Variants in VPS13B observed in about 807,000 individuals in gnomAD.
VPS13B encodes intermembrane lipid transfer protein VPS13B.
VPS13B carries 285 observed loss-of-function variants against 426.4 expected under a neutral mutation model. The ratio of observed to expected loss-of-function variants is 0.67; its 90% CI spans 0.61 to 0.74. VPS13B has a LOEUF of 0.74. VPS13B is among the 30% of genes least tolerant of loss of function. The pLI is 0.00. For missense variants in VPS13B, 4,537 were observed against 4,782.6 expected (o/e 0.95, Z 1.51); for synonymous variants, 1,676 against 1,676.4 (o/e 1.00, Z 0.01).
At chr8:99,378,692 A>T (rs770332158) in intron 19 of VPS13B, among the ~76,000 whole-genome samples, 1 of 152,204 alleles carries the variant, frequency 6.6e-6, no homozygotes, top group African/African-American at 2.4e-5. Context: ...GCAACAATAC[A>T]TAGCTGTTTT....
chr8:99,737,371 C>T (rs1014664318), intron 39 of VPS13B, among the ~76,000 whole-genome samples: 3 of 151,828 alleles, frequency 2.0e-5, no homozygotes, highest in African/African-American at 7.3e-5. Context: ...CCGCCTGCCT[C>T]GGCCTCCCAA....
intron 52 of VPS13B, 56 bp from the exon 53 acceptor site, chr8:99,835,141 A>G (rs1815315509): frequency 2.5e-6 from 4 of 1,610,488 alleles, no homozygotes; most frequent in Non-Finnish European, 3.4e-6. Context: ...TCCAGAGGAG[A>G]GAGCATTCAT....
chr8:99,412,802 G>A (rs926871965), intron 21 of VPS13B, among the ~76,000 whole-genome samples: 4 of 152,148 alleles, frequency 2.6e-5, no homozygotes, highest in Non-Finnish European at 5.9e-5. Context: ...TTTTATTGAA[G>A]TCCTTTGCTG....
intron 35 of VPS13B, chr8:99,697,373 A>G (rs374001786): frequency 1.5e-5 from 9 of 593,808 alleles, no homozygotes; most frequent in Admixed American, 1.2e-4. Flanking sequence ...AAGTGCCTGA[A>G]GCAGTCCTGT....
intron 20 of VPS13B, among the ~76,000 whole-genome samples, chr8:99,387,395 A>G (rs1563701852): frequency 1.3e-5 from 2 of 151,224 alleles, no homozygotes; most frequent in Non-Finnish European, 3.0e-5. Flanking sequence ...TTAAAAAACA[A>G]TTTTTTTTGT....
At chr8:99,567,986 C>T (rs1588502501) in intron 31 of VPS13B, among the ~76,000 whole-genome samples, 1 of 152,162 alleles carries the variant, frequency 6.6e-6, no homozygotes, top group East Asian at 1.9e-4. Context: ...CCTTCTAATA[C>T]CTGAATGACA....
At chr8:99,813,179 A>C (rs1402325978) in intron 44 of VPS13B, among the ~76,000 whole-genome samples, 1 of 152,166 alleles carries the variant, frequency 6.6e-6, no homozygotes, top group African/African-American at 2.4e-5. Flanking sequence ...TCTTTCATCT[A>C]AAGTAGCCTT....
At chr8:99,280,437 C>A (rs1011678277) in intron 19 of VPS13B, among the ~76,000 whole-genome samples, 115 of 152,156 alleles carry the variant, frequency 7.6e-4, no homozygotes, top group African/African-American at 2.6e-3. Context: ...TCCATGAGGG[C>A]AGAATTAATC....
chr8:99,518,287 G>A (rs1822194891), intron 29 of VPS13B, among the ~76,000 whole-genome samples: 1 of 152,142 alleles, frequency 6.6e-6, no homozygotes, highest in Admixed American at 6.5e-5. Context: ...GGCTTACTAC[G>A]TAATTGAGGA....
At chr8:99,283,657 C>T (rs1293137428) in intron 19 of VPS13B, among the ~76,000 whole-genome samples, 1 of 152,118 alleles carries the variant, frequency 6.6e-6, no homozygotes, top group Non-Finnish European at 1.5e-5. Flanking sequence ...AGTCAAACAG[C>T]AGCTGTGAGA....
chr8:99,260,636 T>C (rs1431320840), intron 17 of VPS13B, among the ~76,000 whole-genome samples: 1 of 151,982 alleles, frequency 6.6e-6, no homozygotes, highest in Non-Finnish European at 1.5e-5. Flanking sequence ...GGAGGATCAC[T>C]AGATTGGATT....
chr8:99,292,758 A>G (rs956497184), intron 19 of VPS13B, among the ~76,000 whole-genome samples: 11 of 152,138 alleles, frequency 7.2e-5, no homozygotes, highest in Non-Finnish European at 1.5e-4. Flanking sequence ...AATATACCCC[A>G]TATATTGCAG....
intron 2 of VPS13B, among the ~76,000 whole-genome samples, chr8:99,029,021 C>T (rs1374778400): frequency 3.3e-5 from 5 of 149,986 alleles, no homozygotes; most frequent in Non-Finnish European, 7.4e-5. Flanking sequence ...ACTTCTCAGA[C>T]GGGGTGGTTG....
intron 23 of VPS13B, among the ~76,000 whole-genome samples, chr8:99,450,971 T>C (rs1384750143): frequency 6.6e-6 from 1 of 152,188 alleles, no homozygotes; most frequent in Non-Finnish European, 1.5e-5. Flanking sequence ...CATCTGTTAA[T>C]ATCTGACTTT....
At chr8:99,020,487 A>G (rs1183450424) in intron 2 of VPS13B, among the ~76,000 whole-genome samples, 1 of 152,178 alleles carries the variant, frequency 6.6e-6, no homozygotes, top group East Asian at 1.9e-4. Context: ...TTTAATTTTG[A>G]TGAAGTCCAA....
chr8:99,400,395 A>C (rs1047752695), intron 21 of VPS13B, among the ~76,000 whole-genome samples: 1 of 152,256 alleles, frequency 6.6e-6, no homozygotes, highest in Non-Finnish European at 1.5e-5. Context: ...GGAATAAATT[A>C]GAACAAATAC....
intron 44 of VPS13B, among the ~76,000 whole-genome samples, chr8:99,817,050 G>T (rs1039315374): frequency 6.6e-6 from 1 of 151,980 alleles, no homozygotes; most frequent in South Asian, 2.1e-4. Context: ...TCCTGGGCAG[G>T]CACTTCTCTT....
At chr8:99,386,976 A>G (rs1330646224) in intron 20 of VPS13B, among the ~76,000 whole-genome samples, 2 of 152,174 alleles carry the variant, frequency 1.3e-5, no homozygotes, top group Non-Finnish European at 2.9e-5. Flanking sequence ...CTCTAAAAAT[A>G]ATAAGAATAA....
intron 2 of VPS13B, among the ~76,000 whole-genome samples, chr8:99,014,530 T>C (rs760557118): frequency 2.6e-5 from 4 of 152,100 alleles, no homozygotes; most frequent in Non-Finnish European, 4.4e-5. Flanking sequence ...TTGTTCGGTC[T>C]ACTTACTCAA....
Sources: gnomAD v4.1 joint callset for allele counts (sites outside exome capture counted in the v4.1 genomes callset) on GRCh38, gnomAD v4.1.1 for gene constraint, MANE v1.5 for transcripts, NCBI Gene and HGNC (gene_info 2026-07-23, HGNC 2026-07-21) for gene names.